Variants in ANAPC4 observed in about 807,000 individuals in gnomAD.
ANAPC4 encodes anaphase-promoting complex subunit 4.
Under a neutral mutation model 119.8 loss-of-function variants are expected in ANAPC4, and 63 were observed. That is an observed-to-expected ratio of 0.53 (90% CI 0.43 to 0.65). ANAPC4 has a LOEUF of 0.65. ANAPC4 is among the 30% of genes least tolerant of loss of function. The pLI, the probability that ANAPC4 is intolerant of heterozygous loss-of-function variation, is 0.00. For missense variants in ANAPC4, 716 were observed against 945.1 expected, an observed-to-expected ratio of 0.76 and a Z score of 3.18; for synonymous variants, 283 against 318.6, an observed-to-expected ratio of 0.89 and a Z score of 1.19.
chr4:25,395,080 A>G, intron 14 of ANAPC4, 175 bp downstream of exon 14: 1 of 542,672 alleles, frequency 1.8e-6, no homozygotes, highest in Non-Finnish European at 3.2e-6. Context: ...AGTCAATAAT[A>G]ATTCTGCTTT....
rs770368835 is a variant in ANAPC4 at position 25,394,593 on chromosome 4, C to T, written c.942-78C>T. On this transcript the variant is annotated intron_variant, in intron 12 of 28. Coordinates refer to ENST00000315368, the MANE Select transcript of ANAPC4 (RefSeq NM_013367.3). ...TTTATTTTGTTTCTTGTTTGTGCTT[C>T]GAAATTTAAAAGTTGTAAGTGATGC... 2.1e-4 allele frequency: 302 copies of T among 1,438,160 alleles called. 1 individual carries two copies. Among genetic ancestry groups the T allele is most frequent in the Non-Finnish European group, 2.2e-4 (233 of 1,066,388 alleles). 89.1% of individuals were successfully genotyped at this position (1,438,160 alleles called of 1,614,324 possible). A position where few individuals can be genotyped will look rare whatever the true frequency, so the allele number is the denominator to read the frequency against.
chr4:25,411,623 G>A (rs923111265), intron 21 of ANAPC4, among the ~76,000 whole-genome samples: 1 of 152,116 alleles, frequency 6.6e-6, no homozygotes, highest in Non-Finnish European at 1.5e-5. Context: ...GTAGTAACAC[G>A]GCTGAGAGCA....
chr4:25,390,618 A>G (rs1722295576), intron 8 of ANAPC4, among the ~76,000 whole-genome samples: 1 of 152,098 alleles, frequency 6.6e-6, no homozygotes, highest in Non-Finnish European at 1.5e-5. Context: ...TTTTCATCAG[A>G]CTCTTACACT....
chr4:25,415,357 AAAG>A, intron 25 of ANAPC4, 106 bp from the exon 26 acceptor site: 1 of 764,776 alleles, frequency 1.3e-6, no homozygotes, highest in Non-Finnish European at 2.1e-6. Context: ...TCAGTGTTCT[AAAG>A]AAGTACATGT....
intron 10 of ANAPC4, 104 bp downstream of exon 10, chr4:25,392,525 A>G: frequency 2.4e-6 from 2 of 824,906 alleles, no homozygotes; most frequent in Non-Finnish European, 3.9e-6. Flanking sequence ...TCTGAAGTAG[A>G]GGTATCTAGT....
At chr4:25,413,966 AAGGTGT>A (rs1723720376) in intron 22 of ANAPC4, 1 of 490,930 alleles carries the variant, frequency 2.0e-6, no homozygotes, top group Non-Finnish European at 3.6e-6. Flanking sequence ...AAGATTACTG[AAGGTGT>A]TGGCATCTTG....
At chr4:25,400,646 G>A (rs965476292) in intron 16 of ANAPC4, among the ~76,000 whole-genome samples, 7 of 152,166 alleles carry the variant, frequency 4.6e-5, no homozygotes, top group African/African-American at 1.7e-4. Context: ...ACAGAGCAGG[G>A]GAGCAGTTAG....
In ANAPC4 at chr4:25,418,368, G is replaced by A. The variant is rs1723998688; in HGVS notation, c.2413G>A (p.Glu805Lys). The A allele has an allele frequency of 6.2e-7, 1 of 1,613,856 alleles. No individual in the cohort carries two copies. Reference sequence around the variant, plus strand: ...CATTAAAGTGGAAAAACTTGACCCTGAGCTAGACTCCTAATCTAGCTTGCC... The same window carrying A: ...CATTAAAGTGGAAAAACTTGACCCTAAGCTAGACTCCTAATCTAGCTTGCC... ...IVIKVEKLDP[E>K]LDS Residue 805 changes from glutamate to lysine, a missense_variant, in exon 29 of 29, where the codon GAG becomes AAG. By Grantham distance (56) the Glu-to-Lys change is moderately conservative. Transcript: ENST00000315368.
chr4:25,396,847 G>A lies in ANAPC4; in HGVS notation c.1163-1G>A, dbSNP rs781511206. 1 of 1,612,224 alleles carries A rather than the reference G, an allele frequency of 6.2e-7. No homozygotes were observed. Among genetic ancestry groups the A allele is most frequent in the Non-Finnish European group, 8.5e-7 (1 of 1,179,490 alleles). ...GACGTTTATTTATTTTTTCCCTTTA[G>A]AAGCTATAACTGCTGTGGGTTCTTT... On this transcript the variant is annotated splice_acceptor_variant, in intron 15 of 28. Transcript: ENST00000315368. LOFTEE classifies it high-confidence loss of function.
At chr4:25,383,418 A>G (rs745832603) in intron 4 of ANAPC4, 25 bp downstream of exon 4, 3 of 1,553,622 alleles carry the variant, frequency 1.9e-6, no homozygotes, top group African/African-American at 1.4e-5. Flanking sequence ...TTATGTAGTC[A>G]TAGGGTATTC....
Position 25,415,531 on chromosome 4 carries a change from T to A in ANAPC4, c.1892T>A (p.Val631Asp). Residue 631 changes from valine (V) to aspartate (D), a missense_variant, in exon 26 of 29, where the codon GTC (valine) becomes GAC (aspartate). By Grantham distance (152) the Val-to-Asp change is radical. Around this residue, in one of 3 missense-constraint regions of ANAPC4, gnomAD observed 504 missense variants for 615.8 expected, o/e 0.82. Transcript: ENST00000315368. ...GSFTYATTEK[V>D]RRSIYSCLDA... ...TTTACATATGCCACAACAGAAAAAG[T>A]CAGAAGAAGGTAAGTCTTGAATCTT... 1 of 1,612,626 alleles carries A rather than the reference T, an allele frequency of 6.2e-7. No individual in the cohort carries two copies. The highest frequency in any genetic ancestry group is 1.1e-5 in the South Asian group (1 of 90,898).
At chr4:25,406,101 G>A (rs1321113162) in intron 18 of ANAPC4, among the ~76,000 whole-genome samples, 1 of 152,148 alleles carries the variant, frequency 6.6e-6, no homozygotes, top group African/African-American at 2.4e-5. Context: ...CTTGATTCTT[G>A]CAGCTCACTC....
chr4:25,388,412 G>A, intron 4 of ANAPC4, 88 bp from the exon 5 acceptor site: 1 of 854,714 alleles, frequency 1.2e-6, no homozygotes, highest in Non-Finnish European at 1.9e-6. Context: ...TGTAAAACTG[G>A]GTATCTTTTT....
At chr4:25,382,148 A>G (rs1721772709) in intron 3 of ANAPC4, among the ~76,000 whole-genome samples, 1 of 152,020 alleles carries the variant, frequency 6.6e-6, no homozygotes, top group Admixed American at 6.5e-5. Flanking sequence ...TTCCCATGTC[A>G]GTGTGGATAG....
At chr4:25,400,745 A>G (rs1158395326) in intron 16 of ANAPC4, among the ~76,000 whole-genome samples, 1 of 152,206 alleles carries the variant, frequency 6.6e-6, no homozygotes, top group Non-Finnish European at 1.5e-5. Flanking sequence ...TTGAATCTGA[A>G]CTACTTTAGG....
intron 17 of ANAPC4, among the ~76,000 whole-genome samples, chr4:25,403,325 A>G (rs1723079035): frequency 6.6e-6 from 1 of 152,152 alleles, no homozygotes; most frequent in South Asian, 2.1e-4. Flanking sequence ...TGTAAAGATC[A>G]AATCAGTATA....
intron 4 of ANAPC4, among the ~76,000 whole-genome samples, chr4:25,386,402 G>A (rs1028748446): frequency 2.6e-5 from 4 of 151,686 alleles, no homozygotes; most frequent in Non-Finnish European, 4.4e-5. Flanking sequence ...TAGTGGAGAC[G>A]GGATTTCACC....
rs930612972 is a variant in ANAPC4, at chr4:25,402,976, T to C, written c.1220T>C (p.Ile407Thr). The C allele has an allele frequency of 4.4e-6, 7 of 1,583,566 alleles. No homozygotes were observed. The highest frequency in any genetic ancestry group is 6.1e-6 in the Non-Finnish European group (7 of 1,156,462). ...ILKANELLQV[I>T]DSSMKNFKAF... ...TTTTGTTTTTATCTCTTTAGAGTTA[T>C]AGATAGTAGTATGAAAAACTTCAAA... Residue 407 changes from isoleucine to threonine, a missense_variant, in exon 17 of 29, where the codon ATA becomes ACA. This residue lies in a region of ANAPC4 where 504 missense variants were observed against 615.8 expected (regional missense o/e 0.82). Transcript: ENST00000315368.
chr4:25,389,877 G>A (rs1722248867), intron 7 of ANAPC4, among the ~76,000 whole-genome samples: 1 of 151,924 alleles, frequency 6.6e-6, no homozygotes, highest in Admixed American at 6.6e-5. Context: ...AAATATAGTT[G>A]TTATTAAAAT....
Sources: gnomAD v4.1 joint callset for allele counts (sites outside exome capture counted in the v4.1 genomes callset) on GRCh38, gnomAD v4.1.1 for gene constraint, gnomAD v4.1.1 regional missense constraint, MANE v1.5 for transcripts, NCBI Gene and HGNC (gene_info 2026-07-23, HGNC 2026-07-21) for gene names.